Variants in UBASH3B observed in about 807,000 individuals in gnomAD.
UBASH3B encodes the protein ubiquitin associated and SH3 domain containing B.
A neutral mutation model predicts 83.4 loss-of-function variants in UBASH3B; 37 were observed. The observed-to-expected ratio is 0.44, with a 90% CI of 0.34 to 0.58. UBASH3B has a LOEUF of 0.58. UBASH3B is among the 20% of genes least tolerant of loss of function. The probability of loss-of-function intolerance (pLI) is 0.01; values close to 1 mark genes in which losing one functional copy is unlikely to be tolerated. For missense variants in UBASH3B, 657 were observed against 827.2 expected (o/e 0.79, Z 2.52); for synonymous variants, 304 against 318.3 (o/e 0.96, Z 0.48).
chr11:122,678,116 C>T (rs1863691248), intron 1 of UBASH3B, among the ~76,000 whole-genome samples: 1 of 152,232 alleles, frequency 6.6e-6, no homozygotes, highest in Non-Finnish European at 1.5e-5. Flanking sequence ...CTCCCATGAA[C>T]TTGTCTAACC....
chr11:122,674,519 T>C (rs539032163), intron 1 of UBASH3B, among the ~76,000 whole-genome samples: 7 of 151,988 alleles, frequency 4.6e-5, no homozygotes, highest in Admixed American at 2.6e-4. Context: ...TACCTGGGAC[T>C]ACAGGCGCCC....
chr11:122,686,431 G>A (rs1033543449), intron 1 of UBASH3B, among the ~76,000 whole-genome samples: 1 of 151,248 alleles, frequency 6.6e-6, no homozygotes, highest in African/African-American at 2.4e-5. Flanking sequence ...GGAAGCAAGC[G>A]TTCCTCCTAA....
At chr11:122,687,376 G>GAAAT (rs1284009327) in intron 1 of UBASH3B, among the ~76,000 whole-genome samples, 1 of 152,180 alleles carries the variant, frequency 6.6e-6, no homozygotes, top group Non-Finnish European at 1.5e-5. Context: ...GATGACTGAT[G>GAAAT]AAATGACTTG....
intron 1 of UBASH3B, among the ~76,000 whole-genome samples, chr11:122,746,057 G>A (rs1033276579): frequency 1.1e-4 from 17 of 152,186 alleles, no homozygotes; most frequent in Admixed American, 7.9e-4. Context: ...ATGGATGAAC[G>A]GATGGGTGGG....
intron 1 of UBASH3B, among the ~76,000 whole-genome samples, chr11:122,684,821 C>T (rs766431578): frequency 9.2e-5 from 14 of 152,288 alleles, no homozygotes; most frequent in South Asian, 2.1e-4. Flanking sequence ...TGGTCTCGAA[C>T]TCCTGACCTC....
chr11:122,795,455 G>C (rs1370302348), intron 7 of UBASH3B, among the ~76,000 whole-genome samples: 1 of 152,188 alleles, frequency 6.6e-6, no homozygotes, highest in South Asian at 2.1e-4. Context: ...CCGCGCTAAG[G>C]AAACTGGAAA....
intron 11 of UBASH3B, among the ~76,000 whole-genome samples, chr11:122,802,063 T>C (rs991823140): frequency 6.6e-6 from 1 of 152,156 alleles, no homozygotes; most frequent in Non-Finnish European, 1.5e-5. Context: ...ACGCCTATAA[T>C]CCCAGCACTC....
chr11:122,711,522 C>A (rs17126770), intron 1 of UBASH3B, among the ~76,000 whole-genome samples: 5,704 of 152,244 alleles, frequency 0.037, 367 homozygotes, highest in African/African-American at 0.13. Context: ...GAAGGCCGGG[C>A]ACTGGCAGCC....
At chr11:122,683,875 A>G (rs12292929) in intron 1 of UBASH3B, among the ~76,000 whole-genome samples, 2 of 151,630 alleles carry the variant, frequency 1.3e-5, no homozygotes, top group African/African-American at 4.8e-5. Context: ...TTTTATTTGT[A>G]ATTTTCTTGT....
At chr11:122,659,748 T>G (rs2135888390) in intron 1 of UBASH3B, among the ~76,000 whole-genome samples, 1 of 152,380 alleles carries the variant, frequency 6.6e-6, no homozygotes, top group East Asian at 1.9e-4. Flanking sequence ...GATGGTTGTC[T>G]CAAACCTGGC....
At chr11:122,696,016 C>A (rs887984064) in intron 1 of UBASH3B, among the ~76,000 whole-genome samples, 1 of 152,062 alleles carries the variant, frequency 6.6e-6, no homozygotes, top group Non-Finnish European at 1.5e-5. Flanking sequence ...GTGGTGCGAT[C>A]GCTGCTCACT....
chr11:122,664,772 T>G (rs1863491725), intron 1 of UBASH3B, among the ~76,000 whole-genome samples: 1 of 152,260 alleles, frequency 6.6e-6, no homozygotes, highest in Non-Finnish European at 1.5e-5. Flanking sequence ...GAGCTCTTAC[T>G]GTGCATGCAG....
chr11:122,805,646 A>G (rs1241961619), intron 11 of UBASH3B, among the ~76,000 whole-genome samples: 1 of 152,244 alleles, frequency 6.6e-6, no homozygotes, highest in African/African-American at 2.4e-5. Flanking sequence ...CGAGAACAGC[A>G]CAGGAAAGAC....
At position 122,813,637 on chromosome 11, in the gene UBASH3B, G is replaced by A. The variant is rs1415762948; in HGVS notation, c.*3751G>A. On this transcript the variant is annotated 3_prime_UTR_variant, in exon 14 of 14. Coordinates refer to ENST00000284273, the MANE Select transcript of UBASH3B (RefSeq NM_032873.5). ...GAAAGAAGAGGCACTAGTCTAAAAG[G>A]CTGCATTGCGGGGAGAGATGAGACA... The A allele has an allele frequency of 6.6e-6, 1 of 152,212 alleles. No individual in the cohort carries two copies. The highest frequency in any genetic ancestry group is 2.4e-5 in the African/African-American group (1 of 41,450). The allele number at this position is 152,212 out of a possible 1,614,324, so 9.4% of individuals were successfully genotyped here.
At chr11:122,712,908 T>G (rs961740067) in intron 1 of UBASH3B, among the ~76,000 whole-genome samples, 1 of 125,808 alleles carries the variant, frequency 7.9e-6, no homozygotes, top group Non-Finnish European at 1.7e-5. Flanking sequence ...TTTTTTTTTT[T>G]TTTTTTTTTT....
intron 1 of UBASH3B, among the ~76,000 whole-genome samples, chr11:122,753,154 G>T (rs980221474): frequency 1.3e-5 from 2 of 150,486 alleles, no homozygotes; most frequent in Non-Finnish European, 3.0e-5. Flanking sequence ...AAAAAAACTC[G>T]AGTTTCTGGC....
intron 1 of UBASH3B, among the ~76,000 whole-genome samples, chr11:122,700,926 G>A (rs1465106424): frequency 1.3e-5 from 2 of 152,220 alleles, no homozygotes; most frequent in Non-Finnish European, 2.9e-5. Flanking sequence ...ATGTAGATGA[G>A]CACTGGGAAG....
chr11:122,681,183 A>G (rs1863733517), intron 1 of UBASH3B, among the ~76,000 whole-genome samples: 1 of 152,248 alleles, frequency 6.6e-6, no homozygotes, highest in South Asian at 2.1e-4. Context: ...GTTACTTAAA[A>G]GCATAATAGA....
Position 122,809,919 on chromosome 11 carries a change from T to C in UBASH3B, c.*33T>C. 6.2e-7 allele frequency: 1 copy of C among 1,610,222 alleles called. No homozygotes were observed. The highest frequency in any genetic ancestry group is 2.2e-5 in the East Asian group (1 of 44,856). Reference sequence around the variant, plus strand: ...CAGTGAACAAGAAGGAAAGGCCTTTTGGAGTGTGTCTTTCTGTGTGTTTAA... The same window carrying C: ...CAGTGAACAAGAAGGAAAGGCCTTTCGGAGTGTGTCTTTCTGTGTGTTTAA... On this transcript the variant is annotated 3_prime_UTR_variant, in exon 14 of 14. Transcript: ENST00000284273.
Sources: allele counts gnomAD v4.1 joint callset (sites outside exome capture counted in the v4.1 genomes callset), GRCh38; gene constraint gnomAD v4.1.1; transcripts MANE v1.5; gene names NCBI Gene and HGNC (gene_info 2026-07-23, HGNC 2026-07-21).